The following NDUFB8 variants were observed in gnomAD, a reference collection of about 807,000 sequenced individuals.
NDUFB8 encodes the protein NADH dehydrogenase [ubiquinone] 1 beta subcomplex subunit 8, mitochondrial.
In NDUFB8, 17 loss-of-function variants were observed where a neutral mutation model predicts 26.0. The observed-to-expected ratio is 0.65, with a 90% CI of 0.45 to 0.98. The LOEUF (loss-of-function observed/expected upper bound fraction) is 0.98, where lower values mean the gene tolerates loss of function less well. Ranked by LOEUF, NDUFB8 falls within the 50% of genes least tolerant of loss-of-function variation. The probability of loss-of-function intolerance (pLI) is 0.00; values close to 1 mark genes in which losing one functional copy is unlikely to be tolerated. For missense variants in NDUFB8, 238 were observed against 255.0 expected (o/e 0.93, Z 0.45); for synonymous variants, 89 against 93.1 (o/e 0.96, Z 0.25).
At chr10:100,528,943 T>A (rs1383350356) in intron 2 of NDUFB8, 1 of 153,164 alleles carries the variant, frequency 6.5e-6, no homozygotes, top group Non-Finnish European at 1.5e-5. Context: ...GAAAAACATT[T>A]TTTTTAAAGA....
In NDUFB8 at chr10:100,524,524, G is replaced by A. The variant is rs988946900; in HGVS notation, c.469-595C>T. Among the ~76,000 whole-genome samples, 8 of 152,190 alleles carry A rather than the reference G, an allele frequency of 5.3e-5. No individual in the cohort carries two copies. The highest frequency in any genetic ancestry group is 1.9e-4 in the African/African-American group (8 of 41,446). On this transcript the variant is annotated intron_variant, in intron 4 of 4. Transcript: ENST00000299166. The surrounding 1 kb of genome is among the most constrained non-coding windows in gnomAD (Gnocchi z 4.0). ...TGATGTGCTTACAGAACTGAAAAAT[G>A]GAAGAGCCACACTGTTCCTTGCTCT... is the stretch of plus-strand genomic sequence containing the variant.
intron 3 of NDUFB8, 58 bp downstream of exon 3, chr10:100,526,917 A>C: frequency 2.0e-6 from 3 of 1,530,396 alleles, no homozygotes; most frequent in Non-Finnish European, 2.7e-6. Flanking sequence ...ATCTGAGCTA[A>C]AGAATCGCCA....
In NDUFB8 at chr10:100,523,838, C is replaced by T. The variant is rs1215602767; in HGVS notation, c.560G>A (p.Ter187=). 1 of 1,613,994 alleles carries T rather than the reference C, an allele frequency of 6.2e-7. No homozygotes were observed. Among genetic ancestry groups the T allele is most frequent in the Non-Finnish European group, 8.5e-7 (1 of 1,179,892 alleles). The part of the protein sequence containing the change: ...EPERVVHYEI[*] The stretch of plus-strand genomic sequence containing the variant: ...GACCCAAAAGCCCACGAAGCCTCCT[C>T]AGATCTCATAGTGAACCACCCGCTC... Residue 187 remains the stop codon, a stop_retained_variant, in exon 5 of 5, where the codon TGA becomes TAA. Coordinates refer to ENST00000299166, the MANE Select transcript of NDUFB8 (RefSeq NM_005004.4).
intron 2 of NDUFB8, chr10:100,529,179 G>A (rs1017049891): frequency 4.8e-6 from 2 of 417,556 alleles, no homozygotes; most frequent in South Asian, 3.4e-5. Context: ...AACAGCCTGA[G>A]CCAAGGAGAA....
In NDUFB8 at chr10:100,523,940, A is replaced by C; in HGVS notation, c.469-11T>G. ...ATACTGCTTTGGTCCCTACAGAAAA[A>C]AACACAGGTCAGCAAGAACATACAT... On this transcript the variant is annotated splice_polypyrimidine_tract_variant and intron_variant, in intron 4 of 4. Coordinates refer to ENST00000299166, the MANE Select transcript of NDUFB8 (RefSeq NM_005004.4). 1 of 1,614,098 alleles carries C rather than the reference A, an allele frequency of 6.2e-7. No homozygotes were observed. Among genetic ancestry groups the C allele is most frequent in the Non-Finnish European group, 8.5e-7 (1 of 1,180,014 alleles).
Position 100,523,757 on chromosome 10 carries a change from T to G in NDUFB8, c.*80A>C. On this transcript the variant is annotated 3_prime_UTR_variant, in exon 5 of 5. Coordinates refer to ENST00000299166, the MANE Select transcript of NDUFB8 (RefSeq NM_005004.4). ...GGCACAAATAACACAGCACTGAGTT[T>G]TATTAGGGATTTCATTAAGGTTAAA... is the stretch of plus-strand genomic sequence containing the variant. The G allele has an allele frequency of 7.5e-7, 1 of 1,332,148 alleles. No individual in the cohort carries two copies. Among genetic ancestry groups the G allele is most frequent in the Middle Eastern group, 2.4e-4 (1 of 4,212 alleles). 82.5% of individuals were successfully genotyped at this position (1,332,148 alleles called of 1,614,324 possible). A position where few individuals can be genotyped will look rare whatever the true frequency, so the allele number is the denominator to read the frequency against.
rs1470441621 is a variant in NDUFB8 at position 100,529,812 on chromosome 10, G to T, written c.40C>A (p.Leu14Met). 1.1e-5 allele frequency: 18 copies of T among 1,613,716 alleles called. No homozygotes were observed. The highest frequency in any genetic ancestry group is 1.5e-5 in the Non-Finnish European group (18 of 1,179,950). Residue 14 changes from leucine to methionine, a missense_variant, in exon 1 of 5, where the codon CTG (leucine) becomes ATG (methionine). Physicochemically the swap from Leu to Met is conservative, Grantham distance 15. Coordinates refer to ENST00000299166, the MANE Select transcript of NDUFB8 (RefSeq NM_005004.4). ...ATCACGTTCCGGGATGCCCTTTGCA[G>T]CCACTGGACTCCCAAGACCCCGGCC... is the stretch of plus-strand genomic sequence containing the variant. The part of the protein sequence containing the change: ...ARAGVLGVQW[L>M]QRASRNVMPL...
In NDUFB8 at chr10:100,529,764, G is replaced by C; in HGVS notation, c.85+3C>G. The C allele has an allele frequency of 6.2e-7, 1 of 1,612,908 alleles. No homozygotes were observed. The highest frequency in any genetic ancestry group is 1.1e-5 in the South Asian group (1 of 90,966). ...CACTGAGGTCTCGCCCGTTCTCGCG[G>C]ACCTGTCCGTGCGCCCAGCGGCATC... On this transcript the variant is annotated splice_donor_region_variant and intron_variant, in intron 1 of 4. Transcript: ENST00000299166.
chr10:100,527,050 A>G lies in NDUFB8; in HGVS notation c.237T>C (p.Pro79=). The G allele has an allele frequency of 6.2e-7, 1 of 1,614,176 alleles. No individual in the cohort carries two copies. Among genetic ancestry groups the G allele is most frequent in the Non-Finnish European group, 8.5e-7 (1 of 1,180,006 alleles). The stretch of plus-strand genomic sequence containing the variant: ...GATCTCTCTCATGCTGTGAGCGGTC[A>G]GGGAGCTTCGGGTAGTCGCCATACC... ...GMGYGDYPKL[P]DRSQHERDPW... is the part of the protein sequence containing the mutation. Residue 79 remains proline (P), a synonymous_variant, in exon 3 of 5, where the codon CCT becomes CCC. Coordinates refer to ENST00000299166, the MANE Select transcript of NDUFB8 (RefSeq NM_005004.4).
intron 1 of NDUFB8, 70 bp from the exon 2 acceptor site, chr10:100,529,576 G>A: frequency 4.4e-6 from 7 of 1,593,900 alleles, no homozygotes; most frequent in Non-Finnish European, 1.7e-6. Context: ...TCAAGTCGCA[G>A]GGGCTGCAGA....
chr10:100,524,045 C>T lies in NDUFB8; in HGVS notation c.469-116G>A. 1 of 1,585,300 alleles carries T rather than the reference C, an allele frequency of 6.3e-7. No individual in the cohort carries two copies. The highest frequency in any genetic ancestry group is 1.1e-5 in the South Asian group (1 of 87,426). ...GGGTACACAGTAGCCTCTGGTCAGA[C>T]CCAGCTGGGCTAGGAAGGCAGGAAC... On this transcript the variant is annotated intron_variant, in intron 4 of 4. Coordinates refer to ENST00000299166, the MANE Select transcript of NDUFB8 (RefSeq NM_005004.4). This position sits in a 1 kb window ranked among gnomAD's most constrained non-coding sequence, Gnocchi z 4.0.
At chr10:100,525,558 C>T (rs1438599329) in intron 4 of NDUFB8, among the ~76,000 whole-genome samples, 2 of 152,012 alleles carry the variant, frequency 1.3e-5, no homozygotes, top group Non-Finnish European at 2.9e-5. Flanking sequence ...CATACCTGGC[C>T]GCCTTCATTG....
chr10:100,529,332 G>C, intron 2 of NDUFB8, 48 bp downstream of exon 2: 1 of 1,509,438 alleles, frequency 6.6e-7, no homozygotes, highest in Non-Finnish European at 8.9e-7. Context: ...AACCCAGCCG[G>C]CCTTCTCCCA....
At chr10:100,529,620 ATCC>A in intron 1 of NDUFB8, 114 bp from the exon 2 acceptor site, 1 of 1,557,440 alleles carries the variant, frequency 6.4e-7, no homozygotes, top group Non-Finnish European at 8.7e-7. Context: ...GATCAGTGCG[ATCC>A]TCCACCCCAT....
At chr10:100,525,615 C>CGTGTGTGTGT (rs56705301) in intron 4 of NDUFB8, among the ~76,000 whole-genome samples, 30 of 100,158 alleles carry the variant, frequency 3.0e-4, no homozygotes, top group Middle Eastern at 5.8e-3. Context: ...CCACCCAAAG[C>CGTGTGTGTGT]GTGTGTGTGT....
chr10:100,528,660 G>GA (rs1313163525), intron 2 of NDUFB8, among the ~76,000 whole-genome samples: 3 of 152,038 alleles, frequency 2.0e-5, no homozygotes, highest in African/African-American at 7.2e-5. Context: ...CACAACATAA[G>GA]AAAAAACAGG....
At chr10:100,527,491 T>G (rs1405785547) in intron 2 of NDUFB8, among the ~76,000 whole-genome samples, 1 of 152,074 alleles carries the variant, frequency 6.6e-6, no homozygotes, top group East Asian at 1.9e-4. Context: ...TAATATCAGC[T>G]ACTCAGGAGG....
At chr10:100,526,913 G>A in intron 3 of NDUFB8, 62 bp downstream of exon 3, 2 of 1,478,536 alleles carry the variant, frequency 1.4e-6, no homozygotes, top group Non-Finnish European at 1.9e-6. Context: ...TGCCATCTGA[G>A]CTAAAGAATC....
At chr10:100,527,156 C>A in intron 2 of NDUFB8, 82 bp from the exon 3 acceptor site, 2 of 1,155,526 alleles carry the variant, frequency 1.7e-6, no homozygotes, top group Non-Finnish European at 2.6e-6. Flanking sequence ...AGATGAGAAA[C>A]AAAGTGACAG....
Sources: allele counts gnomAD v4.1 joint callset (sites outside exome capture counted in the v4.1 genomes callset), GRCh38; gene constraint gnomAD v4.1.1; non-coding constraint Gnocchi (gnomAD v3.1); transcripts MANE v1.5; gene names NCBI Gene and HGNC (gene_info 2026-07-23, HGNC 2026-07-21).